CIMIP1: variants seen among roughly 807,000 people sequenced by gnomAD.
CIMIP1 encodes ciliary microtubule inner protein 1.
At chr20:58,155,240 C>G in the CIMIP1 span, among the ~76,000 whole-genome samples, 1 of 152,348 alleles carries the variant, frequency 6.6e-6, no homozygotes, top group South Asian at 2.1e-4. Context: ...GTGCAGCAGG[C>G]CTGCGTTGAG....
chr20:58,151,150 A>C, the CIMIP1 span: 1 of 944,988 alleles, frequency 1.1e-6, no homozygotes, highest in Non-Finnish European at 1.6e-6. Flanking sequence ...CTCGAGGGGC[A>C]GAGGGGCGTG....
chr20:58,155,690 G>GCAGTGCCAGGTGCAGAGTC, the CIMIP1 span: 10 of 765,138 alleles, frequency 1.3e-5, no homozygotes, highest in Non-Finnish European at 2.1e-5. Flanking sequence ...TAAGAGCACA[G>GCAGTGCCAGGTGCAGAGTC]CAGTGCCAGG....
the CIMIP1 span, chr20:58,160,520 T>C: frequency 3.3e-5 from 25 of 762,906 alleles, no homozygotes; most frequent in Middle Eastern, 4.1e-4. Flanking sequence ...GTCCAGCTGA[T>C]TGGAATGTGC....
chr20:58,152,491 A>T, the CIMIP1 span, among the ~76,000 whole-genome samples: 1 of 152,114 alleles, frequency 6.6e-6, no homozygotes, highest in Non-Finnish European at 1.5e-5. Flanking sequence ...CTGTAATCCC[A>T]GCACTTTGGG....
chr20:58,153,774 TCA>T, the CIMIP1 span: 1 of 634,050 alleles, frequency 1.6e-6, no homozygotes, highest in Non-Finnish European at 2.8e-6. Context: ...TTCCCGCCTT[TCA>T]CAGATTCCTG....
chr20:58,155,336 G>T, the CIMIP1 span: 1 of 651,876 alleles, frequency 1.5e-6, no homozygotes. Flanking sequence ...TATAAAATGC[G>T]CCTTCTAGGG....
At chr20:58,159,778 G>A in the CIMIP1 span, among the ~76,000 whole-genome samples, 1 of 152,162 alleles carries the variant, frequency 6.6e-6, no homozygotes, top group Admixed American at 6.5e-5. Context: ...AGGAAGCTTT[G>A]GCCCCTCTGT....
the CIMIP1 span, among the ~76,000 whole-genome samples, chr20:58,155,825 T>C: frequency 1.3e-5 from 2 of 152,162 alleles, no homozygotes; most frequent in African/African-American, 4.8e-5. Flanking sequence ...GAAAATGGGG[T>C]CTTCATGCGT....
the CIMIP1 span, among the ~76,000 whole-genome samples, chr20:58,152,462 C>T: frequency 1.8e-4 from 28 of 151,980 alleles, 1 homozygote; most frequent in Admixed American, 2.6e-4. Context: ...GACTGTCAGC[C>T]GGATGCAGTG....
the CIMIP1 span, among the ~76,000 whole-genome samples, chr20:58,151,397 C>A: frequency 4.0e-5 from 6 of 151,218 alleles, no homozygotes; most frequent in African/African-American, 1.5e-4. Context: ...GTTTTTAAGA[C>A]TGATGATTTT....
the CIMIP1 span, among the ~76,000 whole-genome samples, chr20:58,157,813 G>A: frequency 1.3e-5 from 2 of 152,210 alleles, no homozygotes; most frequent in Non-Finnish European, 2.9e-5. Flanking sequence ...TAGGGAGCTC[G>A]CTCTCCTGTG....
At chr20:58,155,578 C>G in the CIMIP1 span, 47 of 1,604,938 alleles carry the variant, frequency 2.9e-5, 1 homozygote, top group Middle Eastern at 9.9e-4. Flanking sequence ...AGGTTTGAAA[C>G]GTTTTTAAAT....
At chr20:58,155,593 A>G in the CIMIP1 span, 1 of 1,570,104 alleles carries the variant, frequency 6.4e-7, no homozygotes, top group Non-Finnish European at 8.8e-7. Context: ...TTAAATACTC[A>G]TTTTTTTAAA....
the CIMIP1 span, among the ~76,000 whole-genome samples, chr20:58,158,835 C>T: frequency 3.9e-5 from 6 of 152,214 alleles, no homozygotes; most frequent in Admixed American, 6.5e-5. Flanking sequence ...CCATTTGTCA[C>T]GCACTCTTGC....
the CIMIP1 span, among the ~76,000 whole-genome samples, chr20:58,158,715 G>A: frequency 1.3e-5 from 2 of 151,230 alleles, no homozygotes; most frequent in Non-Finnish European, 2.9e-5. Flanking sequence ...TCCTCTCATT[G>A]GTGACCAAAG....
At chr20:58,152,905 G>A in the CIMIP1 span, among the ~76,000 whole-genome samples, 1 of 152,138 alleles carries the variant, frequency 6.6e-6, no homozygotes. Flanking sequence ...CAGGGTCTCC[G>A]AAACTGTGGG....
chr20:58,159,780 C>T, the CIMIP1 span, among the ~76,000 whole-genome samples: 1 of 152,194 alleles, frequency 6.6e-6, no homozygotes, highest in Admixed American at 6.5e-5. Context: ...GAAGCTTTGG[C>T]CCCTCTGTCA....
At chr20:58,160,876 G>T in the CIMIP1 span, 1 of 1,561,572 alleles carries the variant, frequency 6.4e-7, no homozygotes, top group African/African-American at 1.3e-5. Context: ...AGGCACCCAG[G>T]GCCATGCCAG....
the CIMIP1 span, chr20:58,153,689 C>A: frequency 3.0e-5 from 35 of 1,168,934 alleles, no homozygotes; most frequent in East Asian, 8.0e-4. Context: ...TGAATGATTA[C>A]AAAGTCTATC....
Sources: gnomAD v4.1 joint callset for allele counts (sites outside exome capture counted in the v4.1 genomes callset) on GRCh38, gnomAD v4.1.1 for gene constraint, MANE v1.5 for transcripts, NCBI Gene and HGNC (gene_info 2026-07-23, HGNC 2026-07-21) for gene names.